GRIA1: variants seen among roughly 807,000 people sequenced by gnomAD.
GRIA1 encodes glutamate receptor 1.
GRIA1 carries 31 observed loss-of-function variants against 99.2 expected under a neutral mutation model. The observed-to-expected ratio is 0.31, with a 90% CI of 0.23 to 0.42. The LOEUF (loss-of-function observed/expected upper bound fraction) is 0.42, where lower values mean the gene tolerates loss of function less well. Ranked by LOEUF, GRIA1 falls within the 10% of genes least tolerant of loss-of-function variation. GRIA1 has a pLI of 1.00. For synonymous variants in GRIA1, 438 were observed against 432.4 expected (o/e 1.01, Z -0.16); for missense variants, 782 against 1,157.5 (o/e 0.68, Z 4.71).
chr5:153,796,629 T>C (rs1442564164), intron 14 of GRIA1, among the ~76,000 whole-genome samples: 4 of 152,194 alleles, frequency 2.6e-5, no homozygotes, highest in African/African-American at 9.7e-5. Flanking sequence ...CCTCACTTTG[T>C]AGTCAATGTC....
At chr5:153,798,380 C>A (rs1005748092) in intron 14 of GRIA1, among the ~76,000 whole-genome samples, 1 of 152,134 alleles carries the variant, frequency 6.6e-6, no homozygotes, top group Admixed American at 6.6e-5. Context: ...ATGGGTGGAC[C>A]TTTCTTTGTG....
chr5:153,770,056 G>T, intron 12 of GRIA1, 112 bp from the exon 13 acceptor site: 2 of 1,071,182 alleles, frequency 1.9e-6, no homozygotes, highest in Non-Finnish European at 1.4e-6. Context: ...TTCTTCCTGA[G>T]CTAATCTCGC....
chr5:153,670,394 GA>G (rs1756072479), intron 5 of GRIA1, among the ~76,000 whole-genome samples: 1 of 151,900 alleles, frequency 6.6e-6, no homozygotes, highest in Non-Finnish European at 1.5e-5. Flanking sequence ...TGAATAGCTG[GA>G]AAAACACTTG....
intron 10 of GRIA1, 53 bp downstream of exon 10, chr5:153,699,126 G>C: frequency 7.6e-7 from 1 of 1,321,088 alleles, no homozygotes; most frequent in Non-Finnish European, 1.1e-6. Flanking sequence ...GGGTTTGACA[G>C]GAAATCATTT....
chr5:153,693,729 C>T (rs1185943112), intron 8 of GRIA1, among the ~76,000 whole-genome samples: 1 of 152,200 alleles, frequency 6.6e-6, no homozygotes, highest in Non-Finnish European at 1.5e-5. Context: ...TAAATCCTCT[C>T]CTGACTGGTA....
chr5:153,548,776 T>C (rs1028761837), intron 2 of GRIA1, among the ~76,000 whole-genome samples: 5 of 152,224 alleles, frequency 3.3e-5, no homozygotes. Flanking sequence ...ATTATGTTGC[T>C]ATATGTCCCT....
intron 11 of GRIA1, among the ~76,000 whole-genome samples, chr5:153,761,979 A>G (rs895387802): frequency 6.6e-6 from 1 of 152,212 alleles, no homozygotes; most frequent in Non-Finnish European, 1.5e-5. Context: ...ATCTCCTAGC[A>G]GTGCAGAGTA....
At chr5:153,700,112 C>A (rs1758409436) in intron 10 of GRIA1, among the ~76,000 whole-genome samples, 1 of 152,192 alleles carries the variant, frequency 6.6e-6, no homozygotes, top group Admixed American at 6.5e-5. Flanking sequence ...AGGCCGGGCA[C>A]AGTGGCTCAC....
intron 2 of GRIA1, among the ~76,000 whole-genome samples, chr5:153,593,725 C>T (rs1336124749): frequency 6.6e-6 from 1 of 152,172 alleles, no homozygotes; most frequent in Non-Finnish European, 1.5e-5. Flanking sequence ...AGACCTTCCT[C>T]TGGGAGCCCC....
At chr5:153,676,397 G>C (rs1396028127) in intron 6 of GRIA1, among the ~76,000 whole-genome samples, 1 of 152,148 alleles carries the variant, frequency 6.6e-6, no homozygotes, top group African/African-American at 2.4e-5. Flanking sequence ...TCAGGAGAGG[G>C]TATAATTGAT....
intron 11 of GRIA1, among the ~76,000 whole-genome samples, chr5:153,731,931 C>T (rs1180432360): frequency 6.6e-6 from 1 of 152,016 alleles, no homozygotes; most frequent in African/African-American, 2.4e-5. Context: ...TGATATCCAC[C>T]CTTCTACTCT....
intron 8 of GRIA1, among the ~76,000 whole-genome samples, chr5:153,687,533 C>G (rs1434348728): frequency 6.6e-6 from 1 of 152,062 alleles, no homozygotes; most frequent in Non-Finnish European, 1.5e-5. Flanking sequence ...GTCAGATAAC[C>G]TTGCCACTAG....
chr5:153,590,932 G>C (rs934077842), intron 2 of GRIA1, among the ~76,000 whole-genome samples: 1 of 152,162 alleles, frequency 6.6e-6, no homozygotes, highest in Non-Finnish European at 1.5e-5. Flanking sequence ...AATGGTCTAA[G>C]CATTGCCCCT....
intron 1 of GRIA1, chr5:153,492,098 T>A (rs923650499): frequency 2.1e-6 from 3 of 1,399,996 alleles, no homozygotes; most frequent in Admixed American, 2.4e-5. Context: ...GGTAGGGAGA[T>A]AGCTCCACTA....
At chr5:153,534,210 T>C (rs1463746) in intron 2 of GRIA1, among the ~76,000 whole-genome samples, 98,096 of 152,124 alleles carry the variant, frequency 0.64, 32,012 homozygotes, top group East Asian at 0.83. Context: ...CTTACTTTCC[T>C]CTGAAACTTA....
chr5:153,557,067 T>C (rs1459315814), intron 2 of GRIA1, among the ~76,000 whole-genome samples: 3 of 152,142 alleles, frequency 2.0e-5, no homozygotes, highest in Admixed American at 6.5e-5. Flanking sequence ...AGTTAAAATA[T>C]AATATAAAAG....
intron 11 of GRIA1, among the ~76,000 whole-genome samples, chr5:153,719,281 GC>G: frequency 6.6e-6 from 1 of 152,144 alleles, no homozygotes; most frequent in African/African-American, 2.4e-5. Flanking sequence ...TACCACTATT[GC>G]TGTATAACAA....
At chr5:153,756,994 G>C (rs1457272040) in intron 11 of GRIA1, among the ~76,000 whole-genome samples, 1 of 152,178 alleles carries the variant, frequency 6.6e-6, no homozygotes, top group Non-Finnish European at 1.5e-5. Flanking sequence ...ACCCTAAAGA[G>C]ATGGAAATAT....
At chr5:153,795,518 C>A in intron 14 of GRIA1, 1 of 1,612,598 alleles carries the variant, frequency 6.2e-7, no homozygotes, top group East Asian at 2.2e-5. Flanking sequence ...GTGAGCAAGG[C>A]GTCTTAGACA....
Sources: gnomAD v4.1 joint callset for allele counts (sites outside exome capture counted in the v4.1 genomes callset) on GRCh38, gnomAD v4.1.1 for gene constraint, MANE v1.5 for transcripts, NCBI Gene and HGNC (gene_info 2026-07-23, HGNC 2026-07-21) for gene names.